RXFP1: variants seen among roughly 807,000 people sequenced by gnomAD.
RXFP1 encodes the protein relaxin family peptide receptor 1.
A neutral mutation model predicts 89.8 loss-of-function variants in RXFP1; 73 were observed. That is an observed-to-expected ratio of 0.81 (90% CI 0.67 to 0.99). RXFP1 has a LOEUF of 0.99. RXFP1 is among the 50% of genes least tolerant of loss of function. RXFP1 has a pLI of 0.00. For synonymous variants in RXFP1, 277 were observed against 305.5 expected (o/e 0.91, Z 0.97); for missense variants, 793 against 895.5 (o/e 0.89, Z 1.46).
At chr4:158,527,978 C>A (rs539149106) in intron 1 of RXFP1, among the ~76,000 whole-genome samples, 2 of 152,034 alleles carry the variant, frequency 1.3e-5, no homozygotes, top group Non-Finnish European at 2.9e-5. Context: ...TAGAAAGAAC[C>A]TAGACAGAAA....
intron 9 of RXFP1, among the ~76,000 whole-genome samples, chr4:158,622,769 G>C (rs1371526070): frequency 6.6e-6 from 1 of 152,114 alleles, no homozygotes; most frequent in Admixed American, 6.6e-5. Context: ...AGATGAATAA[G>C]CATACAGATC....
chr4:158,575,549 G>A (rs748031501), intron 2 of RXFP1, among the ~76,000 whole-genome samples: 21 of 152,120 alleles, frequency 1.4e-4, no homozygotes, highest in Non-Finnish European at 2.8e-4. Flanking sequence ...TTAGGAATAC[G>A]TGAGGTCATA....
At chr4:158,608,279 C>CTTTTTTTTTTTT (rs756131500) in intron 6 of RXFP1, among the ~76,000 whole-genome samples, 2 of 76,102 alleles carry the variant, frequency 2.6e-5, no homozygotes, top group African/African-American at 6.5e-5. Flanking sequence ...GTATTCCTTT[C>CTTTTTTTTTTTT]TTTTTTTTTT....
rs1213002016 is a variant in RXFP1, at chr4:158,639,295, A to C, written c.1079A>C (p.Gln360Pro). 1 of 1,572,384 alleles carries C rather than the reference A, an allele frequency of 6.4e-7. No individual in the cohort carries two copies. The highest frequency in any genetic ancestry group is 1.3e-5 in the African/African-American group (1 of 74,260). ...GGGATTGAAATTTCAAATATCCAAC[A>C]AAGGATGTTTAGACCTCTTATGAAT... ...LEGIEISNIQ[Q>P]RMFRPLMNLS... Residue 360 changes from glutamine (Q) to proline (P), a missense_variant, in exon 14 of 18, where the codon CAA becomes CCA. By Grantham distance (76) the Gln-to-Pro change is moderately conservative (BLOSUM62 -1). Coordinates refer to ENST00000307765, the MANE Select transcript of RXFP1 (RefSeq NM_021634.4).
At chr4:158,589,710 T>A (rs1203458142) in intron 2 of RXFP1, among the ~76,000 whole-genome samples, 1 of 152,148 alleles carries the variant, frequency 6.6e-6, no homozygotes, top group African/African-American at 2.4e-5. Context: ...AATGTCCCAG[T>A]GCAATTCACA....
chr4:158,605,161 G>T, intron 5 of RXFP1, 22 bp downstream of exon 5: 1 of 1,465,690 alleles, frequency 6.8e-7, no homozygotes, highest in Non-Finnish European at 9.4e-7. Context: ...CTTAATTCCT[G>T]GTATTACAAT....
chr4:158,542,104 TATA>T lies in RXFP1; in HGVS notation c.49+20080_49+20082del, dbSNP rs1487346775. Among the ~76,000 whole-genome samples the T allele has an allele frequency of 1.2e-3, 57 of 48,028 alleles. 5 individuals carry two copies. The highest frequency in any genetic ancestry group is 2.2e-3 in the Non-Finnish European group (47 of 21,680). 31.5% of individuals were successfully genotyped at this position (48,028 alleles called of 152,430 possible). ...CTATATATATATATATATATATATA[TATA>T]TATTTTTTTTTTAGTAGAGACAGGG... On this transcript the variant is annotated intron_variant, in intron 1 of 17. Transcript: ENST00000307765.
Position 158,607,990 on chromosome 4 carries a change from G to T in RXFP1, c.483G>T (p.Lys161Asn). The T allele has an allele frequency of 6.2e-7, 1 of 1,605,490 alleles. No homozygotes were observed. The highest frequency in any genetic ancestry group is 8.5e-7 in the Non-Finnish European group (1 of 1,174,314). The change falls in exon 6 of 18, where the codon AAG becomes AAT. Residue 161 changes from lysine (K) to asparagine (N), a missense_variant. Physicochemically the swap from Lys to Asn is moderately conservative, Grantham distance 94. Transcript: ENST00000307765. ...TTCACAGGTACCTGCAAAACAATAAGATTACATCCATCTCCATCTATGCTT... is the reference window on the plus strand; with the variant it reads ...TTCACAGGTACCTGCAAAACAATAATATTACATCCATCTCCATCTATGCTT... Reference protein sequence around the residue: ...DLQKLYLQNNKITSISIYAFR... With the variant: ...DLQKLYLQNNNITSISIYAFR...
intron 1 of RXFP1, among the ~76,000 whole-genome samples, chr4:158,534,495 C>A (rs1744821654): frequency 6.6e-6 from 1 of 152,152 alleles, no homozygotes; most frequent in South Asian, 2.1e-4. Context: ...GATCCGCCCG[C>A]CTCGGCCTCC....
In RXFP1 at chr4:158,617,426, A is replaced by AAATAT. The variant is rs975508767; in HGVS notation, c.755+222_755+223insATATA. Among the ~76,000 whole-genome samples, 1,351 of 149,216 alleles carry AAATAT rather than the reference A, an allele frequency of 9.1e-3. 12 individuals are homozygous for AAATAT. Among genetic ancestry groups the AAATAT allele is most frequent in the African/African-American group, 0.031 (1,278 of 40,582 alleles). Reference sequence around the variant, plus strand: ...CAGCAAAATAAAACATCTCAAAAAAAATATATATATATATATATATACTGG... The same window carrying AAATAT: ...CAGCAAAATAAAACATCTCAAAAAAAAATATATATATATATATATATATATACTGG... On this transcript the variant is annotated intron_variant, in intron 9 of 17. Coordinates refer to ENST00000307765, the MANE Select transcript of RXFP1 (RefSeq NM_021634.4).
intron 10 of RXFP1, among the ~76,000 whole-genome samples, chr4:158,627,860 A>T (rs1767217281): frequency 6.6e-6 from 1 of 152,062 alleles, no homozygotes; most frequent in Non-Finnish European, 1.5e-5. Context: ...TATCTGAAAA[A>T]CTTAGAATTT....
intron 1 of RXFP1, among the ~76,000 whole-genome samples, chr4:158,529,354 A>T (rs962834242): frequency 6.6e-6 from 1 of 151,434 alleles, no homozygotes; most frequent in African/African-American, 2.4e-5. Context: ...AACCTCCTGG[A>T]CTCAAGTGAT....
rs554745539 is a variant in RXFP1, at chr4:158,634,982, T to C, written c.971+1506T>C. 7.9e-5 allele frequency among the ~76,000 whole-genome samples: 12 copies of C among 152,332 alleles called. No homozygotes were observed. In the South Asian group the frequency reaches 2.5e-3, roughly 32 times the overall value. Reference sequence around the variant, plus strand: ...TGTAAAATCTCCAATTTTGTTCTGCTTTTTTCAAGATTGTTTGGCTATGTG... The same window carrying C: ...TGTAAAATCTCCAATTTTGTTCTGCCTTTTTCAAGATTGTTTGGCTATGTG... On this transcript the variant is annotated intron_variant, in intron 12 of 17. Transcript: ENST00000307765.
At chr4:158,544,321 ACT>A in intron 1 of RXFP1, 2 of 985,170 alleles carry the variant, frequency 2.0e-6, no homozygotes, top group Non-Finnish European at 2.4e-6. Context: ...AACATAAAAC[ACT>A]CTGATGAGAC....
chr4:158,529,367 T>C (rs1274146439), intron 1 of RXFP1, among the ~76,000 whole-genome samples: 1 of 150,812 alleles, frequency 6.6e-6, no homozygotes, highest in Non-Finnish European at 1.5e-5. Flanking sequence ...CAAGTGATCC[T>C]CCCACCTCAG....
chr4:158,566,365 T>C (rs1244224336), intron 1 of RXFP1, among the ~76,000 whole-genome samples: 1 of 105,026 alleles, frequency 9.5e-6, no homozygotes, highest in Non-Finnish European at 2.0e-5. Flanking sequence ...ATTTTAAAAT[T>C]ATCTCAAAAT....
chr4:158,575,939 C>T (rs997601234), intron 2 of RXFP1, among the ~76,000 whole-genome samples: 6 of 152,184 alleles, frequency 3.9e-5, no homozygotes, highest in Admixed American at 3.9e-4. Context: ...CCACTGAGAT[C>T]AGCTAGGCAG....
intron 1 of RXFP1, among the ~76,000 whole-genome samples, chr4:158,532,083 C>A (rs909334893): frequency 3.3e-5 from 5 of 152,066 alleles, no homozygotes; most frequent in African/African-American, 1.2e-4. Context: ...AATTTTCCCC[C>A]CCTCCTCCCC....
intron 10 of RXFP1, 58 bp downstream of exon 10, chr4:158,626,949 A>C (rs985427259): frequency 2.2e-6 from 2 of 896,302 alleles, no homozygotes; most frequent in Admixed American, 3.1e-5. Context: ...ATAAAATTTA[A>C]AAACACCCAT....
Sources: gnomAD v4.1 joint callset for allele counts (sites outside exome capture counted in the v4.1 genomes callset) on GRCh38, gnomAD v4.1.1 for gene constraint, MANE v1.5 for transcripts, NCBI Gene and HGNC (gene_info 2026-07-23, HGNC 2026-07-21) for gene names.